The following CDH2 variants were observed in gnomAD, a reference collection of about 807,000 sequenced individuals.
CDH2 encodes cadherin 2.
Under a neutral mutation model 92.0 loss-of-function variants are expected in CDH2, and 17 were observed. That is an observed-to-expected ratio of 0.18 (90% CI 0.13 to 0.28). CDH2 has a LOEUF of 0.28. Ranked by LOEUF, CDH2 falls within the 10% of genes least tolerant of loss-of-function variation. The pLI, the probability that CDH2 is intolerant of heterozygous loss-of-function variation, is 1.00. For missense variants in CDH2, 862 were observed against 1,133.1 expected (o/e 0.76, Z 3.44); for synonymous variants, 419 against 415.9 (o/e 1.01, Z -0.09).
intron 4 of CDH2, among the ~76,000 whole-genome samples, chr18:28,011,100 T>A (rs1271443743): frequency 2.6e-5 from 4 of 151,588 alleles, no homozygotes; most frequent in South Asian, 2.1e-4. Flanking sequence ...CGGCTTATTT[T>A]AAAAAAAAGG....
chr18:28,131,731 A>C (rs902018325), intron 2 of CDH2, among the ~76,000 whole-genome samples: 1 of 148,804 alleles, frequency 6.7e-6, no homozygotes, highest in African/African-American at 2.4e-5. Flanking sequence ...GTGATCCTAC[A>C]GCTCAGTTAA....
At chr18:28,063,442 T>C (rs2014443905) in intron 2 of CDH2, among the ~76,000 whole-genome samples, 1 of 152,208 alleles carries the variant, frequency 6.6e-6, no homozygotes, top group South Asian at 2.1e-4. Flanking sequence ...GTGAAGGCTA[T>C]GGAAGTCTTT....
At chr18:27,940,131 C>T (rs1354496719) in intron 6 of CDH2, among the ~76,000 whole-genome samples, 1 of 152,174 alleles carries the variant, frequency 6.6e-6, no homozygotes, top group Non-Finnish European at 1.5e-5. Flanking sequence ...AACATAAATC[C>T]TTAAATTATT....
intron 6 of CDH2, among the ~76,000 whole-genome samples, chr18:27,942,521 A>G (rs960254710): frequency 5.9e-5 from 9 of 152,296 alleles, no homozygotes; most frequent in Non-Finnish European, 1.2e-4. Context: ...ACCAGTCTGT[A>G]CCTCTGGCCA....
At chr18:27,999,773 C>T (rs2012707250) in intron 7 of CDH2, among the ~76,000 whole-genome samples, 1 of 151,270 alleles carries the variant, frequency 6.6e-6, no homozygotes, top group South Asian at 2.1e-4. Context: ...TATGGTTTGG[C>T]TCTGTGTCCC....
chr18:28,072,738 A>C (rs1599078978), intron 2 of CDH2, among the ~76,000 whole-genome samples: 1 of 152,370 alleles, frequency 6.6e-6, no homozygotes, highest in East Asian at 1.9e-4. Flanking sequence ...TTTTTCAAAC[A>C]AAAGTAATCA....
downstream of CDH2, among the ~76,000 whole-genome samples, chr18:27,947,834 TAA>T (rs765510995): frequency 2.6e-5 from 4 of 151,948 alleles, no homozygotes; most frequent in African/African-American, 7.2e-5. Flanking sequence ...GTATGTGATA[TAA>T]GTGTGTATAC....
intron 6 of CDH2, among the ~76,000 whole-genome samples, chr18:27,935,848 A>G (rs989788743): frequency 2.0e-5 from 3 of 152,238 alleles, no homozygotes; most frequent in African/African-American, 7.2e-5. Context: ...TTTCTTATGC[A>G]ACTAAATTTG....
In CDH2 at chr18:28,079,851, G is replaced by A. The variant is rs17535950; in HGVS notation, c.173-65942C>T. On this transcript the variant is annotated intron_variant, in intron 2 of 15. Transcript: ENST00000269141. ...TCAGAAAACGTGTCATGTGACCATA[G>A]GGACTTAACTGATTTTTTTAGAAAT... 2.2e-3 allele frequency among the ~76,000 whole-genome samples: 340 copies of A among 152,248 alleles called. 1 individual carries two copies. The highest frequency in any genetic ancestry group is 7.6e-3 in the African/African-American group (314 of 41,540).
At chr18:28,091,155 T>A (rs568727346) in intron 2 of CDH2, among the ~76,000 whole-genome samples, 105 of 152,356 alleles carry the variant, frequency 6.9e-4, no homozygotes, top group African/African-American at 2.5e-3. Context: ...CTGGTTTCTG[T>A]AATAACTATA....
chr18:27,972,412 C>T (rs2011688560), intron 14 of CDH2, among the ~76,000 whole-genome samples: 1 of 152,132 alleles, frequency 6.6e-6, no homozygotes, highest in Non-Finnish European at 1.5e-5. Flanking sequence ...TATCACAGTG[C>T]ATGAGAGCCT....
chr18:28,152,610 A>G (rs1309723724), intron 1 of CDH2, among the ~76,000 whole-genome samples: 3 of 152,206 alleles, frequency 2.0e-5, no homozygotes, highest in African/African-American at 4.8e-5. Context: ...CCGGAGTCCA[A>G]GAAGCAAGGC....
At chr18:28,140,004 C>G (rs1315329840) in intron 2 of CDH2, among the ~76,000 whole-genome samples, 1 of 151,938 alleles carries the variant, frequency 6.6e-6, no homozygotes. Flanking sequence ...TCAGTCACAT[C>G]CTTCACAGTG....
chr18:28,041,835 A>T (rs758493919), intron 2 of CDH2, among the ~76,000 whole-genome samples: 1 of 152,222 alleles, frequency 6.6e-6, no homozygotes, highest in Non-Finnish European at 1.5e-5. Flanking sequence ...ACAATAACAT[A>T]AACATGTAAA....
At position 27,951,960 on chromosome 18, in the gene CDH2, G is replaced by A. The variant is rs1909476805; in HGVS notation, c.*193C>T. On this transcript the variant is annotated 3_prime_UTR_variant, in exon 16 of 16. Coordinates refer to ENST00000269141, the MANE Select transcript of CDH2 (RefSeq NM_001792.5). ...TACTGTAAAATTCAAGTGTAACTGA[G>A]CTCAGTGTTTTTCCAAACAGTATGG... The A allele has an allele frequency of 1.7e-6, 1 of 590,432 alleles. No individual in the cohort carries two copies. Among genetic ancestry groups the A allele is most frequent in the Admixed American group, 2.9e-5 (1 of 34,066 alleles). 36.6% of individuals were successfully genotyped at this position (590,432 alleles called of 1,614,324 possible).
chr18:28,080,246 C>G (rs367857272), intron 2 of CDH2, among the ~76,000 whole-genome samples: 4 of 152,224 alleles, frequency 2.6e-5, no homozygotes, highest in African/African-American at 9.6e-5. Flanking sequence ...AACACAAGCC[C>G]GAAGCCTCAC....
chr18:28,003,124 T>C lies in CDH2; in HGVS notation c.893A>G (p.Asn298Ser), dbSNP rs200798903. The C allele has an allele frequency of 5.2e-5, 84 of 1,613,032 alleles. No homozygotes were observed. The highest frequency in any genetic ancestry group is 2.3e-4 in the Admixed American group (14 of 59,996). The change falls in exon 7 of 16, where the codon AAT becomes AGT. Residue 298 changes from asparagine to serine, a missense_variant. By Grantham distance (46) the Asn-to-Ser change is conservative. This residue lies in a region of CDH2 where 564 missense variants were observed against 722.2 expected (regional missense o/e 0.78). Coordinates refer to ENST00000269141, the MANE Select transcript of CDH2 (RefSeq NM_001792.5). Reference sequence around the variant, plus strand: ...GTACCTCAACATCCCATTGAGGGCATTGGGATCGTCAGCATCAATTGCTGT... The same window carrying C: ...GTACCTCAACATCCCATTGAGGGCACTGGGATCGTCAGCATCAATTGCTGT... Reference protein sequence around the residue: ...TVTAIDADDPNALNGMLRYRI... With the variant: ...TVTAIDADDPSALNGMLRYRI...
chr18:28,101,599 C>G (rs889499489), intron 2 of CDH2, among the ~76,000 whole-genome samples: 2 of 152,072 alleles, frequency 1.3e-5, no homozygotes, highest in Admixed American at 1.3e-4. Context: ...TTATTTCATA[C>G]CTATGTGCAA....
chr18:28,036,499 T>G lies in CDH2; in HGVS notation c.173-22590A>C. 1.9e-6 allele frequency: 3 copies of G among 1,601,326 alleles called. No homozygotes were observed. In the South Asian group the frequency reaches 3.3e-5, roughly 18 times the overall value. On this transcript the variant is annotated intron_variant, in intron 2 of 15. Coordinates refer to ENST00000269141, the MANE Select transcript of CDH2 (RefSeq NM_001792.5). ...AAGGAAAACATACAATTCTGCTTGGTTCTTTAATTTCTCAGTGAAGATACA... is the reference window on the plus strand; with the variant it reads ...AAGGAAAACATACAATTCTGCTTGGGTCTTTAATTTCTCAGTGAAGATACA...
Sources: allele counts gnomAD v4.1 joint callset (sites outside exome capture counted in the v4.1 genomes callset), GRCh38; gene constraint gnomAD v4.1.1; regional missense constraint gnomAD v4.1.1; transcripts MANE v1.5; gene names NCBI Gene and HGNC (gene_info 2026-07-23, HGNC 2026-07-21).